TCF20: variants seen among roughly 807,000 people sequenced by gnomAD.
The protein encoded by TCF20 is transcription factor 20.
In TCF20, 3 loss-of-function variants were observed where a neutral mutation model predicts 148.6. That is an observed-to-expected ratio of 0.02 (90% CI 0.01 to 0.05). The LOEUF (loss-of-function observed/expected upper bound fraction) is 0.05. Among genes scored for constraint, TCF20 ranks in the 10% least tolerant of loss-of-function variants. TCF20 has a pLI of 1.00. For synonymous variants in TCF20, 1,049 were observed against 909.5 expected, an observed-to-expected ratio of 1.15 and a Z score of -2.76; for missense variants, 2,350 against 2,429.3, an observed-to-expected ratio of 0.97 and a Z score of 0.69.
At chr22:42,287,514 C>T (rs134901), upstream of TCF20, among the ~76,000 whole-genome samples, 88,094 of 151,934 alleles carry the variant, frequency 0.58, 26,258 homozygotes, top group East Asian at 0.66. Flanking sequence ...CATCCCATCA[C>T]GTATGCATGC....
chr22:42,287,379 G>C (rs144720277), upstream of TCF20, among the ~76,000 whole-genome samples: 5 of 152,130 alleles, frequency 3.3e-5, no homozygotes, highest in African/African-American at 1.2e-4. Flanking sequence ...CCCAGAGAAC[G>C]GAACTGAGTT....
Position 42,161,152 on chromosome 22 carries a change from T to C in TCF20, c.*251A>G. The C allele has an allele frequency of 2.3e-6, 1 of 426,854 alleles. No individual in the cohort carries two copies. The highest frequency in any genetic ancestry group is 2.1e-5 in the African/African-American group (1 of 47,654). 26.4% of individuals were successfully genotyped at this position (426,854 alleles called of 1,614,324 possible). A position where few individuals can be genotyped will look rare whatever the true frequency, so the allele number is the denominator to read the frequency against. On this transcript the variant is annotated 3_prime_UTR_variant, in exon 6 of 6. Coordinates refer to ENST00000677622, the MANE Select transcript of TCF20 (RefSeq NM_001378418.1). ...CCCCACATTGTCACTATGGAGATTG[T>C]GTCCATGGAAACAGCCATTCCAACG...
At chr22:42,278,368 G>A (rs1311283503) in intron 1 of TCF20, 1 of 152,254 alleles carries the variant, frequency 6.6e-6, no homozygotes, top group East Asian at 1.9e-4. Flanking sequence ...AGAAAAAACT[G>A]AGACTAGGAC....
chr22:42,257,631 A>G (rs1396188020), intron 1 of TCF20, among the ~76,000 whole-genome samples: 1 of 152,240 alleles, frequency 6.6e-6, no homozygotes, highest in Non-Finnish European at 1.5e-5. Context: ...AGCCCTGACT[A>G]TAAGGACCTT....
At chr22:42,322,350 G>T (rs1601706103) in intron 1 of TCF20, among the ~76,000 whole-genome samples, 1 of 151,974 alleles carries the variant, frequency 6.6e-6, no homozygotes, top group African/African-American at 2.4e-5. Context: ...TCAGAGGCTG[G>T]CTGCCAATCT....
In TCF20 at chr22:42,209,894, C is replaced by T. The variant is rs1245095744; in HGVS notation, c.5412G>A (p.Arg1804=). 6.2e-7 allele frequency: 1 copy of T among 1,614,210 alleles called. No homozygotes were observed. The highest frequency in any genetic ancestry group is 1.7e-5 in the Admixed American group (1 of 60,024). ...DCGGGPRSLS[R]GLPCKKAATE... is the part of the protein sequence containing the mutation. ...TGGCTGCTTTTTTACAAGGGAGCCCCCTGGACAGGGACCGAGGGCCTCCAC... is the reference window on the plus strand; with the variant it reads ...TGGCTGCTTTTTTACAAGGGAGCCCTCTGGACAGGGACCGAGGGCCTCCAC... The change falls in exon 2 of 6, where the codon AGG becomes AGA. Residue 1804 remains arginine, a synonymous_variant. Coordinates refer to ENST00000677622, the MANE Select transcript of TCF20 (RefSeq NM_001378418.1).
chr22:42,218,108 C>T (rs1051956667), intron 1 of TCF20, among the ~76,000 whole-genome samples: 5 of 152,190 alleles, frequency 3.3e-5, no homozygotes, highest in African/African-American at 1.2e-4. Context: ...TGACACTGTT[C>T]CAGCACTTCA....
At chr22:42,324,545 T>C (rs1249430380) in intron 1 of TCF20, among the ~76,000 whole-genome samples, 2 of 150,756 alleles carry the variant, frequency 1.3e-5, no homozygotes, top group Admixed American at 6.6e-5. Flanking sequence ...GAGAAAATAA[T>C]CTCCACCATT....
chr22:42,215,388 C>G (rs1191264282), intron 1 of TCF20, 47 bp from the exon 2 acceptor site: 29 of 1,509,774 alleles, frequency 1.9e-5, no homozygotes, highest in Non-Finnish European at 2.4e-5. Flanking sequence ...CTCCTTGGTA[C>G]AAATAAAATC....
chr22:42,201,539 A>C (rs1265734493), intron 2 of TCF20, among the ~76,000 whole-genome samples: 1 of 152,194 alleles, frequency 6.6e-6, no homozygotes, highest in African/African-American at 2.4e-5. Context: ...AGGCTGAGGC[A>C]GACGGATCAG....
rs903761791 is a variant in TCF20, at chr22:42,209,938, G to T, written c.5368C>A (p.His1790Asn). ...CCTCCACCACAGTCTTCCGAGCGGT[G>T]GCGCCGCTTAAACCTGGGGTGTGCG... ...LAAHPRFKRR[H>N]RSEDCGGGPR... is the part of the protein sequence containing the mutation. The change falls in exon 2 of 6, where the codon CAC (histidine) becomes AAC (asparagine). Residue 1790 changes from histidine to asparagine, a missense_variant. Around this residue, in one of 7 missense-constraint regions of TCF20, gnomAD observed 374 missense variants for 398.3 expected, o/e 0.94. Coordinates refer to ENST00000677622, the MANE Select transcript of TCF20 (RefSeq NM_001378418.1). 6.2e-7 allele frequency: 1 copy of T among 1,614,000 alleles called. No homozygotes were observed. Among genetic ancestry groups the T allele is most frequent in the Non-Finnish European group, 8.5e-7 (1 of 1,180,048 alleles).
rs200659809 is a variant in TCF20 at position 42,212,052 on chromosome 22, T to C, written c.3254A>G (p.Tyr1085Cys). The C allele has an allele frequency of 1.3e-4, 210 of 1,614,042 alleles. No individual in the cohort carries two copies. The highest frequency in any genetic ancestry group is 1.7e-4 in the Non-Finnish European group (200 of 1,180,040). ...PNAGLNSQLH[Y>C]KRQMYQQQPE... is the part of the protein sequence containing the mutation. ...TTGCTGTTGGTACATCTGTCTCTTA[T>C]AATGCAGCTGAGAATTCAAACCTGC... The change falls in exon 2 of 6, where the codon TAT becomes TGT. Residue 1085 changes from tyrosine to cysteine, a missense_variant. Transcript: ENST00000677622.
chr22:42,230,581 G>A (rs1393344770), intron 1 of TCF20, among the ~76,000 whole-genome samples: 1 of 151,834 alleles, frequency 6.6e-6, no homozygotes, highest in African/African-American at 2.4e-5. Context: ...GGAGGTGGAG[G>A]TTGCAGTGAG....
At chr22:42,241,646 GT>G (rs1315840600) in intron 1 of TCF20, among the ~76,000 whole-genome samples, 1 of 152,150 alleles carries the variant, frequency 6.6e-6, no homozygotes, top group Non-Finnish European at 1.5e-5. Context: ...GGCCATCATG[GT>G]GAAACTCCAT....
chr22:42,210,549 C>G lies in TCF20; in HGVS notation c.4757G>C (p.Arg1586Thr). Residue 1586 changes from arginine to threonine, a missense_variant, in exon 2 of 6, where the codon AGA (arginine) becomes ACA (threonine). Physicochemically the swap from Arg to Thr is moderately conservative, Grantham distance 71. Around this residue, in one of 7 missense-constraint regions of TCF20, gnomAD observed 374 missense variants for 398.3 expected, o/e 0.94. Transcript: ENST00000677622. The surrounding 1 kb of genome is among the most constrained non-coding windows in gnomAD (Gnocchi z 4.7). ...KPKKQRQRRE[R>T]RKPGAQPRKR... ...CCTCGGCTGGGCCCCAGGCTTCCTT[C>G]TCTCCCTCCTTTGCCTCTGTTTTTT... is the stretch of plus-strand genomic sequence containing the variant. 6.2e-7 allele frequency: 1 copy of G among 1,614,202 alleles called. No individual in the cohort carries two copies. Among genetic ancestry groups the G allele is most frequent in the South Asian group, 1.1e-5 (1 of 91,084 alleles).
At chr22:42,199,087 G>A (rs984737375) in intron 2 of TCF20, among the ~76,000 whole-genome samples, 3 of 152,182 alleles carry the variant, frequency 2.0e-5, no homozygotes, top group African/African-American at 7.2e-5. Context: ...ACAAAATCTA[G>A]AAGAGTCAGA....
chr22:42,255,360 G>A (rs111873577), intron 1 of TCF20, among the ~76,000 whole-genome samples: 86 of 152,058 alleles, frequency 5.7e-4, no homozygotes, highest in African/African-American at 2.0e-3. Context: ...TTGGTGGTGC[G>A]TGCCTGTAGT....
Position 42,213,192 on chromosome 22 carries a change from A to T in TCF20, c.2114T>A (p.Leu705Gln). The part of the protein sequence containing the change: ...RTEPSKSPGS[L>Q]RYSYKDSFGS... ...GAAACTATCTTTGTAACTATAGCGCAGACTTCCAGGAGATTTGCTAGGCTC... is the reference window on the plus strand; with the variant it reads ...GAAACTATCTTTGTAACTATAGCGCTGACTTCCAGGAGATTTGCTAGGCTC... The change falls in exon 2 of 6, where the codon CTG (leucine) becomes CAG (glutamine). Residue 705 changes from leucine to glutamine, a missense_variant. Leu to Gln is a moderately radical substitution (Grantham distance 113). Transcript: ENST00000677622. 6.2e-7 allele frequency: 1 copy of T among 1,614,200 alleles called. No individual in the cohort carries two copies. The highest frequency in any genetic ancestry group is 2.2e-5 in the East Asian group (1 of 44,890).
intron 1 of TCF20, among the ~76,000 whole-genome samples, chr22:42,298,852 C>T (rs762401966): frequency 9.9e-5 from 15 of 152,256 alleles, no homozygotes; most frequent in Non-Finnish European, 1.8e-4. Context: ...AGGCCTTCCC[C>T]AGGACAGTCC....
Sources: gnomAD v4.1 joint callset for allele counts (sites outside exome capture counted in the v4.1 genomes callset) on GRCh38, gnomAD v4.1.1 for gene constraint, gnomAD v4.1.1 regional missense constraint, Gnocchi (gnomAD v3.1) non-coding constraint, MANE v1.5 for transcripts, NCBI Gene and HGNC (gene_info 2026-07-23, HGNC 2026-07-21) for gene names.